The following SLC4A10 variants were observed in gnomAD, a reference collection of about 807,000 sequenced individuals.
SLC4A10 encodes sodium-driven chloride bicarbonate exchanger.
Under a neutral mutation model 137.7 loss-of-function variants are expected in SLC4A10, and 42 were observed. The ratio of observed to expected loss-of-function variants is 0.30; its 90% CI spans 0.24 to 0.39. SLC4A10 has a LOEUF of 0.39. Ranked by LOEUF, SLC4A10 falls within the 10% of genes least tolerant of loss-of-function variation. The pLI is 1.00. For synonymous variants in SLC4A10, 474 were observed against 464.1 expected (o/e 1.02, Z -0.27); for missense variants, 925 against 1,355.0 (o/e 0.68, Z 4.98).
At chr2:161,800,711 C>A (rs1229171748) in intron 2 of SLC4A10, among the ~76,000 whole-genome samples, 3 of 151,970 alleles carry the variant, frequency 2.0e-5, no homozygotes, top group African/African-American at 7.2e-5. Context: ...GTGGGAATTA[C>A]CTGGACCTTA....
At chr2:161,635,977 C>T (rs1167809929) in intron 1 of SLC4A10, among the ~76,000 whole-genome samples, 2 of 152,136 alleles carry the variant, frequency 1.3e-5, no homozygotes, top group Admixed American at 1.3e-4. Context: ...AATGATTTCA[C>T]CATTCTTCCA....
In SLC4A10 at chr2:161,915,267, C is replaced by G. The variant is rs1331442149; in HGVS notation, c.1997+9380C>G. Among the ~76,000 whole-genome samples the G allele has an allele frequency of 5.3e-5, 8 of 152,114 alleles. No individual in the cohort carries two copies. The East Asian group carries it at 1.2e-3, about 22-fold the overall frequency. On this transcript the variant is annotated intron_variant, in intron 15 of 26. Transcript: ENST00000446997. ...TGCCCTTCCTGTCCCCTTTCCATCT[C>G]CCCGTCCGCTAAGAGCTGCTTTCAT...
chr2:161,720,524 T>A (rs1288745025), intron 1 of SLC4A10, among the ~76,000 whole-genome samples: 1 of 152,218 alleles, frequency 6.6e-6, no homozygotes, highest in Non-Finnish European at 1.5e-5. Context: ...AGTCTCTTCA[T>A]AGGTCTCCAA....
chr2:161,748,897 T>C (rs996560317), intron 1 of SLC4A10, among the ~76,000 whole-genome samples: 2 of 152,082 alleles, frequency 1.3e-5, no homozygotes, highest in African/African-American at 4.8e-5. Context: ...AATATTAATG[T>C]TTCCAATCCA....
chr2:161,673,545 C>T (rs905229918), intron 1 of SLC4A10, among the ~76,000 whole-genome samples: 4 of 152,284 alleles, frequency 2.6e-5, no homozygotes, highest in Admixed American at 1.3e-4. Flanking sequence ...ATATGATCTA[C>T]TTTGACAAAC....
chr2:161,707,076 A>G (rs2043755340), intron 1 of SLC4A10, among the ~76,000 whole-genome samples: 2 of 151,564 alleles, frequency 1.3e-5, no homozygotes, highest in East Asian at 3.9e-4. Flanking sequence ...TATTGAGAAG[A>G]TAGGTCTTAA....
intron 1 of SLC4A10, among the ~76,000 whole-genome samples, chr2:161,668,696 TAA>T: frequency 6.6e-6 from 1 of 152,062 alleles, no homozygotes; most frequent in South Asian, 2.1e-4. Flanking sequence ...GGAATATATT[TAA>T]GTTATAATAT....
chr2:161,905,991 G>A lies in SLC4A10; in HGVS notation c.1997+104G>A, dbSNP rs1312948486. On this transcript the variant is annotated intron_variant, in intron 15 of 26. Coordinates refer to ENST00000446997, the MANE Select transcript of SLC4A10 (RefSeq NM_001178015.2). ...TTACTCAGCAGAGAATGTGCCTTAA[G>A]TTGATTCATGACCTAAATCCTGACT... 9 of 1,396,660 alleles carry A rather than the reference G, an allele frequency of 6.4e-6. No individual in the cohort carries two copies. The South Asian group carries it at 1.1e-4, about 17-fold the overall frequency. 86.5% of individuals were successfully genotyped at this position (1,396,660 alleles called of 1,614,324 possible).
chr2:161,936,819 A>G (rs552884385), intron 15 of SLC4A10, among the ~76,000 whole-genome samples: 2 of 152,066 alleles, frequency 1.3e-5, no homozygotes, highest in African/African-American at 4.8e-5. Context: ...TTGTTTTTCT[A>G]CTTTGTATTT....
At chr2:161,941,198 C>T (rs1460608410) in intron 15 of SLC4A10, among the ~76,000 whole-genome samples, 2 of 152,136 alleles carry the variant, frequency 1.3e-5, no homozygotes, top group Non-Finnish European at 1.5e-5. Flanking sequence ...TCACCAGAGG[C>T]TCAAAATCAT....
intron 1 of SLC4A10, among the ~76,000 whole-genome samples, chr2:161,652,341 T>C (rs1420451476): frequency 5.3e-5 from 8 of 152,256 alleles, no homozygotes. Flanking sequence ...TTATTTATTT[T>C]CTTGCTCAAA....
intron 15 of SLC4A10, among the ~76,000 whole-genome samples, chr2:161,937,459 G>A (rs922253822): frequency 6.6e-6 from 1 of 152,040 alleles, no homozygotes; most frequent in Admixed American, 6.6e-5. Context: ...CACCCTCACT[G>A]CCGTGCCCAC....
chr2:161,795,324 A>G (rs1309964703), intron 2 of SLC4A10, among the ~76,000 whole-genome samples: 1 of 152,178 alleles, frequency 6.6e-6, no homozygotes, highest in Non-Finnish European at 1.5e-5. Flanking sequence ...AAACATGATT[A>G]GACAGACCAT....
intron 2 of SLC4A10, among the ~76,000 whole-genome samples, chr2:161,802,204 T>G (rs2055442395): frequency 6.6e-6 from 1 of 152,098 alleles, no homozygotes; most frequent in African/African-American, 2.4e-5. Flanking sequence ...GCCAGAGGAT[T>G]AATCTATAAT....
At chr2:161,883,079 A>AT (rs1371940182) in intron 10 of SLC4A10, among the ~76,000 whole-genome samples, 2 of 152,172 alleles carry the variant, frequency 1.3e-5, no homozygotes, top group Admixed American at 6.6e-5. Flanking sequence ...AAGTAAGAAC[A>AT]TAAAAAGTAG....
intron 1 of SLC4A10, among the ~76,000 whole-genome samples, chr2:161,716,469 C>T (rs1197338326): frequency 2.0e-5 from 3 of 152,098 alleles, no homozygotes; most frequent in South Asian, 4.1e-4. Context: ...TTGGGTTTTA[C>T]ATTTAAGTCT....
At chr2:161,806,689 T>C (rs977216925) in intron 3 of SLC4A10, among the ~76,000 whole-genome samples, 1 of 152,072 alleles carries the variant, frequency 6.6e-6, no homozygotes, top group Non-Finnish European at 1.5e-5. Flanking sequence ...CCACCTGAGA[T>C]TGCCTGGACC....
chr2:161,758,763 T>C (rs1188012529), intron 1 of SLC4A10, among the ~76,000 whole-genome samples: 1 of 151,890 alleles, frequency 6.6e-6, no homozygotes, highest in Non-Finnish European at 1.5e-5. Context: ...TCTATCCTCA[T>C]CCCCTTCTTA....
At chr2:161,754,994 C>T (rs965521804) in intron 1 of SLC4A10, among the ~76,000 whole-genome samples, 3 of 152,074 alleles carry the variant, frequency 2.0e-5, no homozygotes, top group Admixed American at 6.6e-5. Flanking sequence ...AACCTAGACA[C>T]CAAAATAATA....
Sources: allele counts gnomAD v4.1 joint callset (sites outside exome capture counted in the v4.1 genomes callset), GRCh38; gene constraint gnomAD v4.1.1; transcripts MANE v1.5; gene names NCBI Gene and HGNC (gene_info 2026-07-23, HGNC 2026-07-21).